SMYD3: variants seen among roughly 807,000 people sequenced by gnomAD.
The protein encoded by SMYD3 is histone-lysine N-methyltransferase SMYD3.
SMYD3 carries 36 observed loss-of-function variants against 57.7 expected under a neutral mutation model. That is an observed-to-expected ratio of 0.62 (90% CI 0.48 to 0.82). The LOEUF is 0.82. SMYD3 is among the 40% of genes least tolerant of loss of function. The probability of loss-of-function intolerance (pLI) is 0.00; values close to 1 mark genes in which losing one functional copy is unlikely to be tolerated. For synonymous variants in SMYD3, 211 were observed against 195.0 expected (o/e 1.08, Z -0.68); for missense variants, 515 against 538.8 (o/e 0.96, Z 0.44).
At chr1:246,159,398 G>T (rs1458458218) in intron 5 of SMYD3, among the ~76,000 whole-genome samples, 1 of 152,110 alleles carries the variant, frequency 6.6e-6, no homozygotes, top group Non-Finnish European at 1.5e-5. Context: ...GGCAGGGTGT[G>T]TCTAGCCAGC....
At chr1:246,013,416 G>C (rs909017574) in intron 5 of SMYD3, among the ~76,000 whole-genome samples, 2 of 152,146 alleles carry the variant, frequency 1.3e-5, no homozygotes, top group African/African-American at 2.4e-5. Context: ...CCAACCTCAA[G>C]TGATCCACCT....
At chr1:245,831,688 T>C (rs965119072) in intron 10 of SMYD3, among the ~76,000 whole-genome samples, 6 of 152,224 alleles carry the variant, frequency 3.9e-5, no homozygotes, top group African/African-American at 1.4e-4. Context: ...CAGTGGCTTG[T>C]ATTAATAGAT....
chr1:246,123,475 G>A (rs1029120869), intron 5 of SMYD3, among the ~76,000 whole-genome samples: 1 of 151,948 alleles, frequency 6.6e-6, no homozygotes, highest in Non-Finnish European at 1.5e-5. Context: ...GCTGAGGCAG[G>A]AGAATAGCTT....
chr1:246,398,497 T>C (rs1482872264), intron 1 of SMYD3, among the ~76,000 whole-genome samples: 1 of 152,232 alleles, frequency 6.6e-6, no homozygotes, highest in Non-Finnish European at 1.5e-5. Context: ...CATAGAGAGA[T>C]GTACAACATG....
rs115789109 is a variant in SMYD3, at chr1:245,969,917, T to C, written c.532-39980A>G. Among the ~76,000 whole-genome samples the C allele has an allele frequency of 6.3e-3, 955 of 152,234 alleles. 16 individuals are homozygous for C. The highest frequency in any genetic ancestry group is 0.022 in the African/African-American group (895 of 41,552). On this transcript the variant is annotated intron_variant, in intron 5 of 11. Transcript: ENST00000490107. ...TCATAAAGACTATTAAAACAACATA[T>C]AAAAATGTCAATGTTGACTTTCTTC...
chr1:246,349,413 T>C (rs546812773), intron 2 of SMYD3, among the ~76,000 whole-genome samples: 9 of 152,182 alleles, frequency 5.9e-5, no homozygotes, highest in Non-Finnish European at 1.0e-4. Context: ...GAGACCAGCC[T>C]GGGCAACATA....
chr1:245,817,035 G>T (rs535562347), intron 10 of SMYD3, among the ~76,000 whole-genome samples: 1,898 of 151,620 alleles, frequency 0.013, 22 homozygotes, highest in Non-Finnish European at 0.017. Flanking sequence ...CGAACTGGGT[G>T]GAGCCCACCA....
intron 5 of SMYD3, among the ~76,000 whole-genome samples, chr1:245,982,356 G>C (rs1487334312): frequency 6.6e-6 from 1 of 152,110 alleles, no homozygotes; most frequent in Non-Finnish European, 1.5e-5. Flanking sequence ...CAAACTCCTG[G>C]GTTCAAACAA....
chr1:246,127,653 T>C lies in SMYD3; in HGVS notation c.532-197716A>G, dbSNP rs111937620. Reference sequence around the variant, plus strand: ...AATCACGCCTGTAATCTCAGCACTTTGCGGGGCTGAGGCGGGTGGATCACC... The same window carrying C: ...AATCACGCCTGTAATCTCAGCACTTCGCGGGGCTGAGGCGGGTGGATCACC... On this transcript the variant is annotated intron_variant, in intron 5 of 11. Coordinates refer to ENST00000490107, the MANE Select transcript of SMYD3 (RefSeq NM_001167740.2). 9.2e-5 allele frequency among the ~76,000 whole-genome samples: 14 copies of C among 152,208 alleles called. 1 individual carries two copies. The highest frequency in any genetic ancestry group is 5.8e-4 in the East Asian group (3 of 5,174).
intron 5 of SMYD3, among the ~76,000 whole-genome samples, chr1:246,120,529 C>T (rs2061408819): frequency 6.6e-6 from 1 of 152,138 alleles, no homozygotes; most frequent in Non-Finnish European, 1.5e-5. Context: ...ATCCCATTCA[C>T]AGTTTCTACT....
At chr1:246,215,093 G>A (rs193195582) in intron 5 of SMYD3, among the ~76,000 whole-genome samples, 1 of 152,218 alleles carries the variant, frequency 6.6e-6, no homozygotes, top group Admixed American at 6.5e-5. Flanking sequence ...CACGCATGTG[G>A]AAGAGAAGCT....
Position 246,426,585 on chromosome 1 carries a change from T to C in SMYD3, c.165-71491A>G, listed in dbSNP as rs188286877. ...AGGTTCATTGAGTAAGGTTTTATCA[T>C]TGATTTACTAGGGTTTTTTTAAGTA... On this transcript the variant is annotated intron_variant, in intron 1 of 11. Transcript: ENST00000490107. Among the ~76,000 whole-genome samples the C allele has an allele frequency of 3.4e-3, 515 of 152,350 alleles. 3 individuals are homozygous for C. The highest frequency in any genetic ancestry group is 0.012 in the African/African-American group (480 of 41,568).
At chr1:246,184,033 C>A (rs149818762) in intron 5 of SMYD3, among the ~76,000 whole-genome samples, 1 of 152,222 alleles carries the variant, frequency 6.6e-6, no homozygotes, top group Non-Finnish European at 1.5e-5. Context: ...CTCCACCTAT[C>A]CACGTCCCAG....
chr1:246,068,285 CAAAAA>C (rs71726233), intron 5 of SMYD3, among the ~76,000 whole-genome samples: 1 of 114,612 alleles, frequency 8.7e-6, no homozygotes, highest in Non-Finnish European at 2.0e-5. Context: ...TACAGGTCAG[CAAAAA>C]AAAAAAAAAA....
At chr1:245,839,832 A>G (rs183107572) in intron 10 of SMYD3, among the ~76,000 whole-genome samples, 5 of 149,116 alleles carry the variant, frequency 3.4e-5, no homozygotes, top group Admixed American at 3.3e-4. Context: ...GTTCATTCAG[A>G]AAAAAAAAAC....
chr1:245,868,038 C>T (rs1572550918), intron 8 of SMYD3, among the ~76,000 whole-genome samples: 1 of 152,218 alleles, frequency 6.6e-6, no homozygotes, highest in Non-Finnish European at 1.5e-5. Context: ...ATATCTAGCA[C>T]AGTCTTATAT....
chr1:246,498,208 T>C (rs901967917), intron 1 of SMYD3, among the ~76,000 whole-genome samples: 5 of 152,020 alleles, frequency 3.3e-5, no homozygotes, highest in African/African-American at 1.2e-4. Context: ...CCAGCAACAA[T>C]ATAAAAATAC....
At chr1:245,900,476 C>A (rs769172420) in intron 8 of SMYD3, among the ~76,000 whole-genome samples, 1 of 152,148 alleles carries the variant, frequency 6.6e-6, no homozygotes, top group African/African-American at 2.4e-5. Flanking sequence ...CATCTTCAGA[C>A]TGTAAGGACA....
intron 10 of SMYD3, among the ~76,000 whole-genome samples, chr1:245,849,618 C>T (rs1261924156): frequency 3.3e-5 from 5 of 151,694 alleles, no homozygotes; most frequent in Non-Finnish European, 5.9e-5. Context: ...AGGAGCTCTG[C>T]TATTTACCAT....
Sources: gnomAD v4.1 joint callset for allele counts (sites outside exome capture counted in the v4.1 genomes callset) on GRCh38, gnomAD v4.1.1 for gene constraint, MANE v1.5 for transcripts, NCBI Gene and HGNC (gene_info 2026-07-23, HGNC 2026-07-21) for gene names.